NTN1: variants seen among roughly 807,000 people sequenced by gnomAD.
NTN1 encodes the protein netrin 1.
NTN1 carries 11 observed loss-of-function variants against 54.2 expected under a neutral mutation model. That is an observed-to-expected ratio of 0.20 (90% confidence interval 0.13 to 0.34). The LOEUF (loss-of-function observed/expected upper bound fraction) is 0.34. Ranked by LOEUF, NTN1 falls within the 10% of genes least tolerant of loss-of-function variation. The pLI, the probability that NTN1 is intolerant of heterozygous loss-of-function variation, is 1.00. For synonymous variants in NTN1, 371 were observed against 382.0 expected (o/e 0.97, Z 0.33); for missense variants, 740 against 893.1 (o/e 0.83, Z 2.18).
Position 9,221,415 on chromosome 17 carries a change from G to T in NTN1, c.1486+173G>T, listed in dbSNP as rs2142356813. Among the ~76,000 whole-genome samples, 1 of 152,266 alleles carries T rather than the reference G, an allele frequency of 6.6e-6. No homozygotes were observed. Among genetic ancestry groups the T allele is most frequent in the Admixed American group, 6.5e-5 (1 of 15,296 alleles). On this transcript the variant is annotated intron_variant, in intron 6 of 6. Coordinates refer to ENST00000173229, the MANE Select transcript of NTN1 (RefSeq NM_004822.3). This position sits in a 1 kb window ranked among gnomAD's most constrained non-coding sequence, Gnocchi z 4.5. ...GGGAATTTCTCATCTTTTCCTCCTT[G>T]GCCCTCAGAGACGGGGGCATGAGGA...
chr17:9,116,299 G>GCCACCCAC (rs72143235), intron 2 of NTN1, among the ~76,000 whole-genome samples: 1 of 151,054 alleles, frequency 6.6e-6, no homozygotes, highest in Non-Finnish European at 1.5e-5. Context: ...AGAGTTTTGA[G>GCCACCCAC]CCACCCACCC....
intron 2 of NTN1, among the ~76,000 whole-genome samples, chr17:9,029,577 G>A (rs1340621680): frequency 6.6e-6 from 1 of 152,232 alleles, no homozygotes; most frequent in African/African-American, 2.4e-5. Flanking sequence ...AAAGATATCT[G>A]CTCTCATGAG....
chr17:9,031,077 G>A (rs2151509712), intron 2 of NTN1, among the ~76,000 whole-genome samples: 1 of 152,308 alleles, frequency 6.6e-6, no homozygotes, highest in East Asian at 1.9e-4. Flanking sequence ...GCCTGAAGAT[G>A]AGAGATTATT....
chr17:9,232,366 C>T (rs564529575), intron 6 of NTN1, among the ~76,000 whole-genome samples: 3 of 152,316 alleles, frequency 2.0e-5, no homozygotes, highest in East Asian at 1.9e-4. Context: ...CTGAGCCTCA[C>T]GGTGCAGAGC....
At chr17:9,136,052 C>G (rs148779139) in intron 2 of NTN1, among the ~76,000 whole-genome samples, 117 of 152,336 alleles carry the variant, frequency 7.7e-4, no homozygotes, top group African/African-American at 2.5e-3. Context: ...TGCGATGACT[C>G]AGGCTGCTTT....
chr17:9,097,957 C>G (rs189718635), intron 2 of NTN1, among the ~76,000 whole-genome samples: 2,712 of 149,586 alleles, frequency 0.018, 41 homozygotes, highest in Admixed American at 0.026. Context: ...TTACTCTGAC[C>G]TCCCCCCGAG....
intron 2 of NTN1, among the ~76,000 whole-genome samples, chr17:9,114,162 A>ATATATATATATATATATATAT (rs1180136945): frequency 3.6e-4 from 30 of 84,208 alleles, no homozygotes; most frequent in East Asian, 5.4e-4. Context: ...AGAAAAAAAA[A>ATATATATATATATATATATAT]AAAAATATAT....
intron 5 of NTN1, among the ~76,000 whole-genome samples, chr17:9,205,710 C>G (rs1233660956): frequency 6.6e-6 from 1 of 152,194 alleles, no homozygotes; most frequent in East Asian, 1.9e-4. Context: ...TGCCATGGCT[C>G]TGTGTATGGA....
At chr17:9,055,826 A>T (rs1334211432) in intron 2 of NTN1, among the ~76,000 whole-genome samples, 1 of 152,138 alleles carries the variant, frequency 6.6e-6, no homozygotes, top group East Asian at 1.9e-4. Flanking sequence ...GGCTCGGGTG[A>T]TCCTCCTGCC....
chr17:9,238,493 C>T (rs1906069131), intron 6 of NTN1, among the ~76,000 whole-genome samples: 1 of 152,054 alleles, frequency 6.6e-6, no homozygotes, highest in Non-Finnish European at 1.5e-5. Flanking sequence ...CCTCCAGGTA[C>T]CCCCTGGTCT....
intron 5 of NTN1, among the ~76,000 whole-genome samples, chr17:9,188,851 G>T (rs113511877): frequency 6.6e-6 from 1 of 152,144 alleles, no homozygotes; most frequent in African/African-American, 2.4e-5. Flanking sequence ...CTGACAGGAG[G>T]GGGGATCACT....
chr17:9,234,264 C>T (rs1019011535), intron 6 of NTN1, among the ~76,000 whole-genome samples: 6 of 152,210 alleles, frequency 3.9e-5, no homozygotes, highest in Non-Finnish European at 7.3e-5. Context: ...CCTGTGAACC[C>T]CAGAATTGCT....
intron 5 of NTN1, among the ~76,000 whole-genome samples, chr17:9,213,398 G>A (rs1269252882): frequency 6.6e-6 from 1 of 152,232 alleles, no homozygotes; most frequent in East Asian, 1.9e-4. Context: ...AGGCTCCCCT[G>A]AGAGAGCAGG....
the NTN1 span, among the ~76,000 whole-genome samples, chr17:9,007,351 C>A: frequency 7.3e-6 from 1 of 137,112 alleles, no homozygotes; most frequent in African/African-American, 2.8e-5. Context: ...CTTTCTCTTT[C>A]TCTCTCTCTT....
At chr17:9,044,258 G>A (rs1001728764) in intron 2 of NTN1, among the ~76,000 whole-genome samples, 5 of 150,684 alleles carry the variant, frequency 3.3e-5, no homozygotes, top group African/African-American at 7.3e-5. Context: ...TTTTTGGGGC[G>A]GAGTCTCACT....
intron 2 of NTN1, among the ~76,000 whole-genome samples, chr17:9,147,666 C>G (rs1055324978): frequency 2.0e-5 from 3 of 152,080 alleles, no homozygotes; most frequent in Non-Finnish European, 4.4e-5. Flanking sequence ...TCTCCTGTAC[C>G]GTATTTTTCT....
chr17:9,005,284 A>G, the NTN1 span, among the ~76,000 whole-genome samples: 2 of 152,186 alleles, frequency 1.3e-5, no homozygotes, highest in African/African-American at 4.8e-5. Flanking sequence ...TTCTAGAGCC[A>G]TTATACAGAT....
At chr17:9,236,978 T>C (rs1906012607) in intron 6 of NTN1, among the ~76,000 whole-genome samples, 1 of 152,190 alleles carries the variant, frequency 6.6e-6, no homozygotes, top group Admixed American at 6.5e-5. Flanking sequence ...GCAGGAAGTC[T>C]AAGGCTAGGC....
At chr17:9,054,566 A>T (rs1306629938) in intron 2 of NTN1, among the ~76,000 whole-genome samples, 1 of 152,250 alleles carries the variant, frequency 6.6e-6, no homozygotes, top group Non-Finnish European at 1.5e-5. Context: ...AGTATCCATC[A>T]AAAGGTGCCC....
Sources: allele counts gnomAD v4.1 joint callset (sites outside exome capture counted in the v4.1 genomes callset), GRCh38; gene constraint gnomAD v4.1.1; non-coding constraint Gnocchi (gnomAD v3.1); transcripts MANE v1.5; gene names NCBI Gene and HGNC (gene_info 2026-07-23, HGNC 2026-07-21).